FHL2: variants seen among roughly 807,000 people sequenced by gnomAD.
FHL2 encodes the protein four and a half LIM domains protein 2.
A neutral mutation model predicts 32.7 loss-of-function variants in FHL2; 20 were observed. The observed-to-expected ratio is 0.61, with a 90% CI of 0.43 to 0.89. FHL2 has a LOEUF of 0.89. Among genes scored for constraint, FHL2 ranks in the 40% least tolerant of loss-of-function variants. The probability of loss-of-function intolerance (pLI) is 0.00; values close to 1 mark genes in which losing one functional copy is unlikely to be tolerated. For synonymous variants in FHL2, 123 were observed against 128.1 expected, an observed-to-expected ratio of 0.96 and a Z score of 0.27; for missense variants, 311 against 358.6, an observed-to-expected ratio of 0.87 and a Z score of 1.07.
In FHL2 at chr2:105,428,499, T is replaced by C. The variant is rs369186540; in HGVS notation, c.-25+9900A>G. On this transcript the variant is annotated intron_variant, in intron 1 of 5. Transcript: ENST00000393352. Reference sequence around the variant, plus strand: ...TGGAATTACCTTCGGGATCTTTCCATCCCTGAGAGGTTGGGCTCCTCATAG... The same window carrying C: ...TGGAATTACCTTCGGGATCTTTCCACCCCTGAGAGGTTGGGCTCCTCATAG... Among the ~76,000 whole-genome samples the C allele has an allele frequency of 1.8e-3, 274 of 152,340 alleles. 2 individuals carry two copies. The highest frequency in any genetic ancestry group is 0.01 in the Middle Eastern group (3 of 294).
intron 2 of FHL2, 82 bp downstream of exon 2, chr2:105,396,565 G>A (rs1683143199): frequency 3.9e-6 from 5 of 1,292,924 alleles, no homozygotes; most frequent in Admixed American, 3.5e-5. Flanking sequence ...GCCCAGTCAA[G>A]TTGACACATG....
chr2:105,380,366 C>T (rs966705766), intron 3 of FHL2, among the ~76,000 whole-genome samples: 3 of 152,108 alleles, frequency 2.0e-5, no homozygotes, highest in Non-Finnish European at 4.4e-5. Flanking sequence ...CTTTTCTTTT[C>T]TTCTATCTAT....
intron 1 of FHL2, among the ~76,000 whole-genome samples, chr2:105,409,036 G>T (rs78685595): frequency 0.015 from 2,226 of 152,250 alleles, 98 homozygotes; most frequent in East Asian, 0.1. Context: ...GGTGGGGGTA[G>T]GAATGGCTGA....
chr2:105,409,605 T>G (rs1683734983), intron 1 of FHL2, among the ~76,000 whole-genome samples: 1 of 152,250 alleles, frequency 6.6e-6, no homozygotes, highest in Admixed American at 6.5e-5. Context: ...GCTACCATTT[T>G]GATCATTGTT....
At chr2:105,403,674 T>C (rs1683542098), upstream of FHL2, among the ~76,000 whole-genome samples, 1 of 152,120 alleles carries the variant, frequency 6.6e-6, no homozygotes, top group Non-Finnish European at 1.5e-5. Flanking sequence ...TGAAGTAAAA[T>C]AAATACCACT....
chr2:105,412,119 A>T (rs1162315442), intron 1 of FHL2, among the ~76,000 whole-genome samples: 9 of 152,230 alleles, frequency 5.9e-5, no homozygotes. Flanking sequence ...TTTGGAAGAA[A>T]TACCTGCACA....
In FHL2 at chr2:105,386,432, C is replaced by T. The variant is rs56284940; in HGVS notation, c.85G>A (p.Val29Met). ...GCGAACAGGGTCTCAAAGCACACCA[C>T]GCAGTAGGGGCTCTCCTCCCGCAGG... ...YILREESPYCVVCFETLFANT... is the reference protein window; with the variant it reads ...YILREESPYCMVCFETLFANT... The change falls in exon 3 of 7, where the codon GTG becomes ATG. Residue 29 changes from valine to methionine, a missense_variant. Physicochemically the swap from Val to Met is conservative, Grantham distance 21. Transcript: ENST00000530340. The T allele has an allele frequency of 1.5e-3, 2,401 of 1,614,228 alleles. 6 individuals are homozygous for T. Among genetic ancestry groups the T allele is most frequent in the South Asian group, 2.6e-3 (235 of 91,084 alleles).
At chr2:105,424,728 G>C (rs192738859) in intron 1 of FHL2, among the ~76,000 whole-genome samples, 1 of 152,328 alleles carries the variant, frequency 6.6e-6, no homozygotes, top group African/African-American at 2.4e-5. Context: ...CCTTTGCAGG[G>C]AAATGGATGA....
chr2:105,406,389 G>A (rs904874648), intron 1 of FHL2, among the ~76,000 whole-genome samples: 1 of 152,116 alleles, frequency 6.6e-6, no homozygotes, highest in Admixed American at 6.5e-5. Flanking sequence ...GGTTCCAGCG[G>A]TGAATCACCA....
chr2:105,394,514 A>G (rs1273489448), intron 2 of FHL2, among the ~76,000 whole-genome samples: 1 of 151,570 alleles, frequency 6.6e-6, no homozygotes, highest in Non-Finnish European at 1.5e-5. Context: ...TTGAGGCTTT[A>G]GTGAGCTATG....
chr2:105,397,120 GCAT>G (rs1400088477), intron 1 of FHL2, among the ~76,000 whole-genome samples: 1 of 144,008 alleles, frequency 6.9e-6, no homozygotes. Flanking sequence ...GTCAAAGTAT[GCAT>G]CATAAGGCCT....
At chr2:105,384,812 T>C (rs1308334489) in intron 3 of FHL2, among the ~76,000 whole-genome samples, 1 of 152,194 alleles carries the variant, frequency 6.6e-6, no homozygotes, top group Non-Finnish European at 1.5e-5. Flanking sequence ...CCTGGCCTGG[T>C]TCTCCCCATT....
intron 1 of FHL2, among the ~76,000 whole-genome samples, chr2:105,428,096 A>G (rs184241797): frequency 1.9e-3 from 282 of 152,326 alleles, no homozygotes; most frequent in African/African-American, 6.5e-3. Flanking sequence ...CTGTTCTGAG[A>G]ACTCATGGTC....
rs79115140 is a variant in FHL2, at chr2:105,416,287, A to G, written c.-25+22112T>C. The stretch of plus-strand genomic sequence containing the variant: ...GTGGTGTGGTTTTGAATTTTTGCAA[A>G]TCTCTTTAACATTGAGCTTAATAGA... On this transcript the variant is annotated intron_variant, in intron 1 of 5. Transcript: ENST00000393352. Among the ~76,000 whole-genome samples the G allele has an allele frequency of 3.9e-4, 59 of 152,350 alleles. 1 individual carries two copies. The East Asian group carries it at 0.011, about 29-fold the overall frequency.
In FHL2 at chr2:105,363,435, G is replaced by A; in HGVS notation, c.538C>T (p.Pro180Ser). Residue 180 changes from proline (P) to serine (S), a missense_variant, in exon 6 of 7, where the codon CCC becomes TCC. By Grantham distance (74) the Pro-to-Ser change is moderately conservative. Coordinates refer to ENST00000530340, the MANE Select transcript of FHL2 (RefSeq NM_001318895.3). Reference sequence around the variant, plus strand: ...CACACGAAGCACTCCTTGTGCCAGGGCTGCTCCCGGTAAGTGACCCCTCCC... The same window carrying A: ...CACACGAAGCACTCCTTGTGCCAGGACTGCTCCCGGTAAGTGACCCCTCCC... The part of the protein sequence containing the change: ...TTGGVTYREQ[P>S]WHKECFVCTA... 1 of 1,612,148 alleles carries A rather than the reference G, an allele frequency of 6.2e-7. No individual in the cohort carries two copies. The highest frequency in any genetic ancestry group is 8.5e-7 in the Non-Finnish European group (1 of 1,179,186).
intron 1 of FHL2, among the ~76,000 whole-genome samples, chr2:105,435,130 C>G (rs1684568213): frequency 6.6e-6 from 1 of 151,838 alleles, no homozygotes; most frequent in Admixed American, 6.6e-5. Flanking sequence ...ATGAATATTG[C>G]TTTCTAGTTT....
At chr2:105,420,290 C>G (rs1684060612) in intron 1 of FHL2, among the ~76,000 whole-genome samples, 1 of 152,152 alleles carries the variant, frequency 6.6e-6, no homozygotes, top group Non-Finnish European at 1.5e-5. Context: ...ACTCACTTCC[C>G]TGATCTCTGT....
chr2:105,410,224 G>A (rs1474214920), intron 1 of FHL2, among the ~76,000 whole-genome samples: 1 of 152,242 alleles, frequency 6.6e-6, no homozygotes, highest in Non-Finnish European at 1.5e-5. Flanking sequence ...GGCCGGAGAG[G>A]CAGCTTGCCA....
chr2:105,367,208 C>G (rs1050859656), intron 5 of FHL2, among the ~76,000 whole-genome samples: 1 of 152,218 alleles, frequency 6.6e-6, no homozygotes, highest in Non-Finnish European at 1.5e-5. Flanking sequence ...CTCTCCCTCT[C>G]AAGTTTGCAG....
Sources: allele counts gnomAD v4.1 joint callset (sites outside exome capture counted in the v4.1 genomes callset), GRCh38; gene constraint gnomAD v4.1.1; transcripts MANE v1.5; gene names NCBI Gene and HGNC (gene_info 2026-07-23, HGNC 2026-07-21).